The following ALG5 variants were observed in gnomAD, a reference collection of about 807,000 sequenced individuals.
The protein encoded by ALG5 is dolichyl-phosphate beta-glucosyltransferase.
ALG5 carries 26 observed loss-of-function variants against 51.8 expected under a neutral mutation model. The observed-to-expected ratio is 0.50, with a 90% CI of 0.37 to 0.70. The LOEUF (loss-of-function observed/expected upper bound fraction) is 0.70. Among genes scored for constraint, ALG5 ranks in the 30% least tolerant of loss-of-function variants. The pLI, the probability that ALG5 is intolerant of heterozygous loss-of-function variation, is 0.00. For synonymous variants in ALG5, 141 were observed against 136.1 expected (o/e 1.04, Z -0.25); for missense variants, 311 against 399.3 (o/e 0.78, Z 1.88).
At chr13:36,960,760 G>C (rs149308350) in intron 8 of ALG5, among the ~76,000 whole-genome samples, 1,759 of 151,290 alleles carry the variant, frequency 0.012, 12 homozygotes, top group Admixed American at 0.019. Flanking sequence ...TTCTGCCTCA[G>C]TGCCCTGAGT....
chr13:36,950,540 C>A (rs1041317965), intron 9 of ALG5, among the ~76,000 whole-genome samples: 3 of 152,002 alleles, frequency 2.0e-5, no homozygotes, highest in Non-Finnish European at 4.4e-5. Flanking sequence ...ACAAGAACAC[C>A]AGCCTAATTA....
intron 1 of ALG5, among the ~76,000 whole-genome samples, chr13:36,996,760 C>A (rs2059052751): frequency 6.6e-6 from 1 of 152,154 alleles, no homozygotes; most frequent in African/African-American, 2.4e-5. Flanking sequence ...AGATTTCTTT[C>A]ATTACAAAAC....
intron 8 of ALG5, among the ~76,000 whole-genome samples, chr13:36,959,187 T>C (rs1434703777): frequency 6.6e-6 from 1 of 152,076 alleles, no homozygotes; most frequent in Non-Finnish European, 1.5e-5. Context: ...GAGAGTAGAA[T>C]GGTGGTTTCC....
intron 6 of ALG5, among the ~76,000 whole-genome samples, chr13:36,975,440 G>C (rs1488779882): frequency 6.6e-6 from 1 of 152,156 alleles, no homozygotes; most frequent in Non-Finnish European, 1.5e-5. Context: ...AGATTCAGAG[G>C]CTTGATAAGA....
intron 6 of ALG5, among the ~76,000 whole-genome samples, chr13:36,976,425 C>CAAAAA (rs57192095): frequency 0.024 from 792 of 33,436 alleles, no homozygotes; most frequent in Non-Finnish European, 0.044. Flanking sequence ...GACTCTGTCT[C>CAAAAA]AAAAAAAAAA....
chr13:36,977,435 G>A (rs556464380), intron 6 of ALG5, among the ~76,000 whole-genome samples: 1 of 151,990 alleles, frequency 6.6e-6, no homozygotes, highest in Non-Finnish European at 1.5e-5. Flanking sequence ...GAGGATTGTG[G>A]CTGAGTCATG....
intron 1 of ALG5, 91 bp from the exon 2 acceptor site, chr13:36,995,687 T>C: frequency 8.0e-7 from 1 of 1,249,262 alleles, no homozygotes; most frequent in Non-Finnish European, 1.1e-6. Context: ...TCTACTTTTC[T>C]TTTAGTTGAA....
intron 7 of ALG5, among the ~76,000 whole-genome samples, chr13:36,966,537 A>G (rs1022801372): frequency 5.9e-5 from 9 of 152,170 alleles, no homozygotes; most frequent in African/African-American, 2.2e-4. Flanking sequence ...AGAGACAGAG[A>G]CGCCTTCTGT....
intron 6 of ALG5, among the ~76,000 whole-genome samples, chr13:36,983,188 T>C (rs2058987323): frequency 6.6e-6 from 1 of 152,198 alleles, no homozygotes; most frequent in South Asian, 2.1e-4. Flanking sequence ...AAAAATCTGA[T>C]GCCTTATGCC....
chr13:36,995,036 C>T lies in ALG5; in HGVS notation c.239-1G>A. The T allele has an allele frequency of 6.2e-7, 1 of 1,612,646 alleles. No individual in the cohort carries two copies. The highest frequency in any genetic ancestry group is 8.5e-7 in the Non-Finnish European group (1 of 1,178,990). ...AGAGCTTCATCCATCATCACAGGCA[C>T]TTGAAGAAAAAAATATATTAAAAAT... is the stretch of plus-strand genomic sequence containing the variant. On this transcript the variant is annotated splice_acceptor_variant, in intron 2 of 9. Transcript: ENST00000239891. LOFTEE classifies it high-confidence loss of function.
intron 4 of ALG5, among the ~76,000 whole-genome samples, chr13:36,992,632 G>A (rs1222146559): frequency 6.6e-6 from 1 of 152,018 alleles, no homozygotes; most frequent in African/African-American, 2.4e-5. Flanking sequence ...GTGCCTACTC[G>A]CCTTTTTGGT....
chr13:36,967,074 T>C (rs1182467135), intron 7 of ALG5, among the ~76,000 whole-genome samples: 1 of 151,676 alleles, frequency 6.6e-6, no homozygotes, highest in African/African-American at 2.4e-5. Flanking sequence ...AATACAAAAA[T>C]TAGCCAGGCA....
At chr13:36,987,040 A>C (rs1294103321) in intron 5 of ALG5, among the ~76,000 whole-genome samples, 4 of 152,072 alleles carry the variant, frequency 2.6e-5, no homozygotes, top group Non-Finnish European at 4.4e-5. Flanking sequence ...ATTATTTCTC[A>C]TGTGCCTCAC....
In ALG5 at chr13:36,965,601, C is replaced by G. The variant is rs148246994; in HGVS notation, c.747G>C (p.Thr249=). 6.2e-7 allele frequency: 1 copy of G among 1,613,718 alleles called. No individual in the cohort carries two copies. The highest frequency in any genetic ancestry group is 1.7e-5 in the Admixed American group (1 of 59,968). Residue 249 remains threonine (T), a synonymous_variant, in exon 8 of 10, where the codon ACG becomes ACC. Coordinates refer to ENST00000239891, the MANE Select transcript of ALG5 (RefSeq NM_013338.5). ...KLFTREAASR[T]FSSLHVERWA... Reference sequence around the variant, plus strand: ...ATCGTTCAACGTGTAGAGATGAAAACGTCCGTGAAGCTGCTTCTCGAGTAA... The same window carrying G: ...ATCGTTCAACGTGTAGAGATGAAAAGGTCCGTGAAGCTGCTTCTCGAGTAA...
At chr13:36,966,291 G>A (rs532869668) in intron 7 of ALG5, among the ~76,000 whole-genome samples, 38 of 152,238 alleles carry the variant, frequency 2.5e-4, no homozygotes, top group African/African-American at 9.2e-4. Context: ...AAAATATTGA[G>A]TTCTTTAATA....
intron 5 of ALG5, among the ~76,000 whole-genome samples, chr13:36,986,693 G>A (rs1030893114): frequency 3.3e-5 from 5 of 152,172 alleles, no homozygotes; most frequent in Admixed American, 6.5e-5. Flanking sequence ...GGGAAGCTGA[G>A]GTGGAAGGAT....
intron 6 of ALG5, among the ~76,000 whole-genome samples, chr13:36,983,838 G>A (rs2058990335): frequency 6.6e-6 from 1 of 151,870 alleles, no homozygotes; most frequent in African/African-American, 2.4e-5. Context: ...GATGATGGTG[G>A]GGGAGAAATA....
At chr13:36,967,971 A>G (rs1201945500) in intron 7 of ALG5, 1 of 328,696 alleles carries the variant, frequency 3.0e-6, no homozygotes, top group African/African-American at 2.1e-5. Flanking sequence ...TTGGATGTTA[A>G]TAACAGGATT....
chr13:36,975,507 C>T (rs573213775), intron 6 of ALG5, among the ~76,000 whole-genome samples: 1 of 152,218 alleles, frequency 6.6e-6, no homozygotes, highest in East Asian at 1.9e-4. Context: ...GGTAGTTTTT[C>T]TTTTTCTTGT....
Sources: allele counts gnomAD v4.1 joint callset (sites outside exome capture counted in the v4.1 genomes callset), GRCh38; gene constraint gnomAD v4.1.1; transcripts MANE v1.5; gene names NCBI Gene and HGNC (gene_info 2026-07-23, HGNC 2026-07-21).